PHACTR2: variants seen among roughly 807,000 people sequenced by gnomAD.
PHACTR2 encodes chromosome 6 open reading frame 56.
A neutral mutation model predicts 76.0 loss-of-function variants in PHACTR2; 30 were observed. The ratio of observed to expected loss-of-function variants is 0.39; its 90% CI spans 0.30 to 0.54. PHACTR2 has a LOEUF of 0.54. PHACTR2 is among the 20% of genes least tolerant of loss of function. The pLI, the probability that PHACTR2 is intolerant of heterozygous loss-of-function variation, is 0.61. For synonymous variants in PHACTR2, 292 were observed against 292.5 expected, an observed-to-expected ratio of 1.00 and a Z score of 0.02; for missense variants, 696 against 781.1, an observed-to-expected ratio of 0.89 and a Z score of 1.30.
rs950046882 is a variant in PHACTR2 at position 143,722,256 on chromosome 6, T to C, written c.214+10073T>C. ...TTCTCTGTACCCTCATGTGGATATATGTACATATCATATCCACATTTCTTG... is the reference window on the plus strand; with the variant it reads ...TTCTCTGTACCCTCATGTGGATATACGTACATATCATATCCACATTTCTTG... On this transcript the variant is annotated intron_variant, in intron 2 of 12. Transcript: ENST00000440869. This position sits in a 1 kb window ranked among gnomAD's most constrained non-coding sequence, Gnocchi z 4.1. Among the ~76,000 whole-genome samples, 1 of 152,198 alleles carries C rather than the reference T, an allele frequency of 6.6e-6. No individual in the cohort carries two copies. Among genetic ancestry groups the C allele is most frequent in the Non-Finnish European group, 1.5e-5 (1 of 68,042 alleles).
Position 143,787,430 on chromosome 6 carries a change from C to T in PHACTR2, c.1708-1343C>T, listed in dbSNP as rs992642325. ...ATTCTTTCTCTTGTCCATTGCCTAC[C>T]GGGGCTCTATGAAGATAGAGGGAGC... On this transcript the variant is annotated intron_variant, in intron 10 of 12. Coordinates refer to ENST00000440869, the MANE Select transcript of PHACTR2 (RefSeq NM_001100164.2). This position sits in a 1 kb window ranked among gnomAD's most constrained non-coding sequence, Gnocchi z 4.6. Among the ~76,000 whole-genome samples, 3 of 152,180 alleles carry T rather than the reference C, an allele frequency of 2.0e-5. No individual in the cohort carries two copies. The highest frequency in any genetic ancestry group is 1.9e-4 in the East Asian group (1 of 5,202).
In PHACTR2 at chr6:143,580,023, C is replaced by T. The variant is rs1211525342; in HGVS notation, c.217+42816C>T. On this transcript the variant is annotated intron_variant, in intron 1 of 11. Coordinates refer to the PHACTR2 transcript ENST00000367584. The surrounding 1 kb of genome is among the most constrained non-coding windows in gnomAD (Gnocchi z 4.2). ...TCCCCATGGGCTGTTGTTTTGCAGG[C>T]CACCCTCAGTTTCTTGCCACGTGGG... is the stretch of plus-strand genomic sequence containing the variant. 6.6e-6 allele frequency among the ~76,000 whole-genome samples: 1 copy of T among 152,166 alleles called. No individual in the cohort carries two copies. The highest frequency in any genetic ancestry group is 1.5e-5 in the Non-Finnish European group (1 of 68,028).
chr6:143,620,414 G>A (rs1426354074), intron 1 of PHACTR2, among the ~76,000 whole-genome samples: 1 of 150,844 alleles, frequency 6.6e-6, no homozygotes, highest in Non-Finnish European at 1.5e-5. Flanking sequence ...TTCAATGCAG[G>A]GCTAGTAAGA....
chr6:143,613,211 G>A (rs1245410033), intron 1 of PHACTR2, among the ~76,000 whole-genome samples: 4 of 152,230 alleles, frequency 2.6e-5, no homozygotes, highest in African/African-American at 9.6e-5. Context: ...TCCCGACCTC[G>A]TGATCCACCC....
In PHACTR2 at chr6:143,722,965, C is replaced by T. The variant is rs1698520723; in HGVS notation, c.214+10782C>T. ...TCTTTTTTATGGCTGAATAGTATTC[C>T]ATTATGGTGGAATAATATTCCATTG... On this transcript the variant is annotated intron_variant, in intron 2 of 12. Coordinates refer to ENST00000440869, the MANE Select transcript of PHACTR2 (RefSeq NM_001100164.2). The surrounding 1 kb of genome is among the most constrained non-coding windows in gnomAD (Gnocchi z 4.1). Among the ~76,000 whole-genome samples, 1 of 152,114 alleles carries T rather than the reference C, an allele frequency of 6.6e-6. No individual in the cohort carries two copies. Among genetic ancestry groups the T allele is most frequent in the African/African-American group, 2.4e-5 (1 of 41,392 alleles).
chr6:143,691,473 T>C lies in PHACTR2; in HGVS notation c.46+13264T>C, dbSNP rs139070998. 6.6e-3 allele frequency among the ~76,000 whole-genome samples: 998 copies of C among 150,738 alleles called. 14 individuals are homozygous for C. The highest frequency in any genetic ancestry group is 0.024 in the African/African-American group (964 of 40,050). ...GTCAAGTAGAATGTTGAGATTCTGA[T>C]GGAATATTATTGCCAGAAACCTGTT... On this transcript the variant is annotated intron_variant, in intron 1 of 12. Coordinates refer to ENST00000440869, the MANE Select transcript of PHACTR2 (RefSeq NM_001100164.2).
At position 143,633,814 on chromosome 6, in the gene PHACTR2, T is replaced by C. The variant is rs1249943167; in HGVS notation, c.13+25492T>C. Among the ~76,000 whole-genome samples, 1 of 152,220 alleles carries C rather than the reference T, an allele frequency of 6.6e-6. No homozygotes were observed. Among genetic ancestry groups the C allele is most frequent in the Non-Finnish European group, 1.5e-5 (1 of 68,022 alleles). ...ATCCATAATCGATTTTGATATTTTATAAAGGTCTCTGTCTAGATTCATTTT... is the reference window on the plus strand; with the variant it reads ...ATCCATAATCGATTTTGATATTTTACAAAGGTCTCTGTCTAGATTCATTTT... On this transcript the variant is annotated intron_variant, in intron 1 of 11. Transcript: ENST00000305766. This position sits in a 1 kb window ranked among gnomAD's most constrained non-coding sequence, Gnocchi z 4.1.
rs1481268071 is a variant in PHACTR2 at position 143,617,924 on chromosome 6, C to T, written c.13+9602C>T. Among the ~76,000 whole-genome samples the T allele has an allele frequency of 1.3e-5, 2 of 152,228 alleles. No homozygotes were observed. Among genetic ancestry groups the T allele is most frequent in the South Asian group, 4.2e-4 (2 of 4,818 alleles). ...CTAATCAGGAAGGTTGGTTTCTTTT[C>T]CAACATCTTAGAAGCAAATTAAATA... On this transcript the variant is annotated intron_variant, in intron 1 of 11. Coordinates refer to the PHACTR2 transcript ENST00000305766. This position sits in a 1 kb window ranked among gnomAD's most constrained non-coding sequence, Gnocchi z 4.8.
At position 143,562,478 on chromosome 6, in the gene PHACTR2, T is replaced by C. The variant is rs1341655666; in HGVS notation, c.217+25271T>C. On this transcript the variant is annotated intron_variant, in intron 1 of 11. Coordinates refer to the PHACTR2 transcript ENST00000367584. The surrounding 1 kb of genome is among the most constrained non-coding windows in gnomAD (Gnocchi z 5.1). Reference sequence around the variant, plus strand: ...CTATTGCAAAGACAGCACCAAGCCATGAGGAATCTGCTCCCATGACGCAAA... The same window carrying C: ...CTATTGCAAAGACAGCACCAAGCCACGAGGAATCTGCTCCCATGACGCAAA... Among the ~76,000 whole-genome samples, 2 of 152,102 alleles carry C rather than the reference T, an allele frequency of 1.3e-5. No individual in the cohort carries two copies. Among genetic ancestry groups the C allele is most frequent in the Admixed American group, 1.3e-4 (2 of 15,278 alleles).
rs1380394992 is a variant in PHACTR2, at chr6:143,580,536, G to A, written c.217+43329G>A. On this transcript the variant is annotated intron_variant, in intron 1 of 11. Coordinates refer to the PHACTR2 transcript ENST00000367584. This position sits in a 1 kb window ranked among gnomAD's most constrained non-coding sequence, Gnocchi z 4.2. ...AAAATACAAACAATTAGCTGGGCGTGGTGGCACACACCTGTAATCCCAGCT... is the reference window on the plus strand; with the variant it reads ...AAAATACAAACAATTAGCTGGGCGTAGTGGCACACACCTGTAATCCCAGCT... Among the ~76,000 whole-genome samples, 1 of 151,972 alleles carries A rather than the reference G, an allele frequency of 6.6e-6. No individual in the cohort carries two copies. The highest frequency in any genetic ancestry group is 2.4e-5 in the African/African-American group (1 of 41,350).
At chr6:143,687,621 G>C (rs1433562208) in intron 1 of PHACTR2, among the ~76,000 whole-genome samples, 1 of 152,102 alleles carries the variant, frequency 6.6e-6, no homozygotes, top group Non-Finnish European at 1.5e-5. Context: ...CTAAAAGGTC[G>C]GTCTAACCAT....
chr6:143,733,132 A>G lies in PHACTR2; in HGVS notation c.215-15853A>G. Among the ~76,000 whole-genome samples the G allele has an allele frequency of 6.6e-6, 1 of 152,166 alleles. No homozygotes were observed. The highest frequency in any genetic ancestry group is 1.5e-5 in the Non-Finnish European group (1 of 68,028). ...CAGGCTGGGTGTCCAACTGGCTTCA[A>G]GTGATTGTCCTACCTTGACCTCCCA... On this transcript the variant is annotated intron_variant, in intron 2 of 12. Coordinates refer to ENST00000440869, the MANE Select transcript of PHACTR2 (RefSeq NM_001100164.2). This position sits in a 1 kb window ranked among gnomAD's most constrained non-coding sequence, Gnocchi z 4.0.
chr6:143,751,791 T>TACACACACACACACACACACAC lies in PHACTR2; in HGVS notation c.296-1950_296-1929dup, dbSNP rs71024875. ...TCCTTTGCTCTGCTTGTATTTTACT[T>TACACACACACACACACACACAC]ACACACACACACACACACACACACA... On this transcript the variant is annotated intron_variant, in intron 3 of 12. Transcript: ENST00000440869. This position sits in a 1 kb window ranked among gnomAD's most constrained non-coding sequence, Gnocchi z 5.7. 1.1e-4 allele frequency among the ~76,000 whole-genome samples: 15 copies of TACACACACACACACACACACAC among 140,268 alleles called. No homozygotes were observed. The highest frequency in any genetic ancestry group is 2.2e-4 in the Admixed American group (3 of 13,696). 92.0% of individuals were successfully genotyped at this position (140,268 alleles called of 152,430 possible). A position where few individuals can be genotyped will look rare whatever the true frequency, so the allele number is the denominator to read the frequency against.
At chr6:143,582,802 T>C (rs563609591) in intron 1 of PHACTR2, among the ~76,000 whole-genome samples, 16 of 152,320 alleles carry the variant, frequency 1.1e-4, no homozygotes, top group South Asian at 2.1e-4. Flanking sequence ...ATTTCATTCT[T>C]CTAGCATTCT....
In PHACTR2 at chr6:143,710,291, A is replaced by G. The variant is rs571502764; in HGVS notation, c.47-1725A>G. The stretch of plus-strand genomic sequence containing the variant: ...CCACCGTGTTGTTTCTTGGGTTCTG[A>G]GGTCCCAGGCTTGTCTACCTTCCCT... On this transcript the variant is annotated intron_variant, in intron 1 of 12. Coordinates refer to ENST00000440869, the MANE Select transcript of PHACTR2 (RefSeq NM_001100164.2). This position sits in a 1 kb window ranked among gnomAD's most constrained non-coding sequence, Gnocchi z 4.9. 6.6e-6 allele frequency among the ~76,000 whole-genome samples: 1 copy of G among 152,314 alleles called. No homozygotes were observed. Among genetic ancestry groups the G allele is most frequent in the East Asian group, 1.9e-4 (1 of 5,184 alleles).
chr6:143,760,261 C>G lies in PHACTR2; in HGVS notation c.455-140C>G. The G allele has an allele frequency of 1.4e-6, 1 of 707,290 alleles. No homozygotes were observed. 43.8% of individuals were successfully genotyped at this position (707,290 alleles called of 1,614,324 possible). A position where few individuals can be genotyped will look rare whatever the true frequency, so the allele number is the denominator to read the frequency against. Reference sequence around the variant, plus strand: ...GCCTTTGTTTTCACCCTAAACTGTGCTCTGTCTGGTGCAGAACTCCATGCT... The same window carrying G: ...GCCTTTGTTTTCACCCTAAACTGTGGTCTGTCTGGTGCAGAACTCCATGCT... On this transcript the variant is annotated intron_variant, in intron 4 of 12. Coordinates refer to ENST00000440869, the MANE Select transcript of PHACTR2 (RefSeq NM_001100164.2). This position sits in a 1 kb window ranked among gnomAD's most constrained non-coding sequence, Gnocchi z 6.4.
At chr6:143,727,290 CTTT>C (rs113254871) in intron 2 of PHACTR2, among the ~76,000 whole-genome samples, 1 of 148,698 alleles carries the variant, frequency 6.7e-6, no homozygotes, top group African/African-American at 2.5e-5. Flanking sequence ...GGATTTTATT[CTTT>C]TTTTTTTATG....
chr6:143,670,599 T>C (rs555720248), intron 1 of PHACTR2, among the ~76,000 whole-genome samples: 22 of 152,292 alleles, frequency 1.4e-4, no homozygotes, highest in African/African-American at 5.1e-4. Flanking sequence ...ATGTTGATCC[T>C]CAATCTCTGA....
At chr6:143,788,696 G>A (rs1271449629) in intron 10 of PHACTR2, 77 bp from the exon 11 acceptor site, 3 of 1,059,656 alleles carry the variant, frequency 2.8e-6, no homozygotes, top group Admixed American at 2.0e-5. Context: ...ACTTTGAAGT[G>A]TTCTCTATAG....
Sources: gnomAD v4.1 joint callset for allele counts (sites outside exome capture counted in the v4.1 genomes callset) on GRCh38, gnomAD v4.1.1 for gene constraint, Gnocchi (gnomAD v3.1) non-coding constraint, MANE v1.5 for transcripts, NCBI Gene and HGNC (gene_info 2026-07-23, HGNC 2026-07-21) for gene names.